The following NRG2 variants were observed in gnomAD, a reference collection of about 807,000 sequenced individuals.
NRG2 encodes neuregulin 2.
NRG2 carries 27 observed loss-of-function variants against 73.9 expected under a neutral mutation model. The observed-to-expected ratio is 0.37, with a 90% CI of 0.27 to 0.50. The LOEUF is 0.50. Ranked by LOEUF, NRG2 falls within the 20% of genes least tolerant of loss-of-function variation. NRG2 has a pLI of 0.96. For synonymous variants in NRG2, 532 were observed against 541.0 expected (o/e 0.98, Z 0.23); for missense variants, 1,126 against 1,210.1 (o/e 0.93, Z 1.03).
chr5:139,965,478 G>A (rs1416479876), intron 1 of NRG2, among the ~76,000 whole-genome samples: 2 of 152,242 alleles, frequency 1.3e-5, no homozygotes, highest in East Asian at 3.9e-4. Context: ...CCTGAACAGG[G>A]ATGGCAGCAG....
chr5:139,888,877 C>T (rs1561657820), intron 1 of NRG2, among the ~76,000 whole-genome samples: 1 of 152,142 alleles, frequency 6.6e-6, no homozygotes, highest in Non-Finnish European at 1.5e-5. Context: ...ACACCTCCCC[C>T]CATTTTTAAA....
rs965384880 is a variant in NRG2, at chr5:139,848,098, T to C, written c.2372A>G (p.Glu791Gly). The C allele has an allele frequency of 8.1e-6, 12 of 1,481,840 alleles. No homozygotes were observed. The Admixed American group carries it at 2.6e-4, about 32-fold the overall frequency. 91.8% of individuals were successfully genotyped at this position (1,481,840 alleles called of 1,614,324 possible). ...ADDADGALAA[E>G]STPFLGLRGA... is the part of the protein sequence containing the mutation. ...ACGCAGGCCCAGGAAAGGTGTGCTC[T>C]CGGCCGCCAGCGCCCCGTCCGCGTC... The change falls in exon 10 of 10, where the codon GAG becomes GGG. Residue 791 changes from glutamate to glycine, a missense_variant. Around this residue, in one of 3 missense-constraint regions of NRG2, gnomAD observed 402 missense variants for 357.8 expected, o/e 1.12. Coordinates refer to ENST00000361474, the MANE Select transcript of NRG2 (RefSeq NM_004883.3).
At chr5:139,855,870 G>T in intron 5 of NRG2, 92 bp from the exon 6 acceptor site, 1 of 911,290 alleles carries the variant, frequency 1.1e-6, no homozygotes, top group Non-Finnish European at 1.8e-6. Context: ...AAAGCCATAG[G>T]CTCTCCCCAG....
intron 1 of NRG2, among the ~76,000 whole-genome samples, chr5:140,000,855 C>G (rs577052053): frequency 1.3e-5 from 2 of 152,224 alleles, no homozygotes; most frequent in African/African-American, 4.8e-5. Flanking sequence ...TCTCTGTCAA[C>G]GTCAGATGTG....
intron 3 of NRG2, among the ~76,000 whole-genome samples, chr5:139,878,058 A>C (rs1763295294): frequency 1.3e-5 from 2 of 152,252 alleles, no homozygotes; most frequent in South Asian, 4.1e-4. Flanking sequence ...AGGGGACTGC[A>C]GCTTATCTGA....
intron 1 of NRG2, among the ~76,000 whole-genome samples, chr5:139,924,736 T>A (rs1211231508): frequency 1.3e-5 from 2 of 152,192 alleles, no homozygotes; most frequent in Non-Finnish European, 1.5e-5. Flanking sequence ...AAAGAATCTT[T>A]CTGTAAGGCT....
At chr5:139,959,107 T>C (rs1208027840) in intron 1 of NRG2, among the ~76,000 whole-genome samples, 1 of 152,244 alleles carries the variant, frequency 6.6e-6, no homozygotes, top group Non-Finnish European at 1.5e-5. Flanking sequence ...TGCTTTGATA[T>C]GGCCACCACT....
intron 1 of NRG2, among the ~76,000 whole-genome samples, chr5:140,011,712 T>C (rs142058055): frequency 7.9e-5 from 12 of 152,346 alleles, no homozygotes; most frequent in African/African-American, 2.9e-4. Flanking sequence ...ACTGCATCCC[T>C]GGCTGACACC....
rs1765117609 is a variant in NRG2 at position 139,904,665 on chromosome 5, C to G, written c.701-17154G>C. Reference sequence around the variant, plus strand: ...GGCCCACCGAGGTAGGCAAGACCGGCGCCTAAACAGGGCGCCACAGACCTC... The same window carrying G: ...GGCCCACCGAGGTAGGCAAGACCGGGGCCTAAACAGGGCGCCACAGACCTC... On this transcript the variant is annotated intron_variant, in intron 1 of 9. Transcript: ENST00000361474. This position sits in a 1 kb window ranked among gnomAD's most constrained non-coding sequence, Gnocchi z 6.0. 6.6e-6 allele frequency among the ~76,000 whole-genome samples: 1 copy of G among 152,138 alleles called. No homozygotes were observed. Among genetic ancestry groups the G allele is most frequent in the African/African-American group, 2.4e-5 (1 of 41,446 alleles).
At position 139,847,718 on chromosome 5, in the gene NRG2, T is replaced by TA. The variant is rs1431100856; in HGVS notation, c.*198dup. On this transcript the variant is annotated 3_prime_UTR_variant, in exon 10 of 10. Transcript: ENST00000361474. Reference sequence around the variant, plus strand: ...ATGTTACATATAAATAGTTTCCCTATAAAAACGCCTTTGCCGTTAGCTAGT... The same window carrying TA: ...ATGTTACATATAAATAGTTTCCCTATAAAAAACGCCTTTGCCGTTAGCTAGT... The TA allele has an allele frequency of 3.3e-5, 13 of 391,200 alleles. No homozygotes were observed. In the East Asian group the frequency reaches 4.9e-4, roughly 15 times the overall value. 24.2% of individuals were successfully genotyped at this position (391,200 alleles called of 1,614,324 possible).
chr5:140,035,513 A>T (rs1761442281), intron 1 of NRG2, among the ~76,000 whole-genome samples: 1 of 152,214 alleles, frequency 6.6e-6, no homozygotes, highest in Non-Finnish European at 1.5e-5. Context: ...TTGTTGAAGC[A>T]AACATTGAAA....
intron 1 of NRG2, among the ~76,000 whole-genome samples, chr5:139,939,619 T>A (rs1190023309): frequency 6.6e-6 from 1 of 151,982 alleles, no homozygotes; most frequent in Non-Finnish European, 1.5e-5. Flanking sequence ...AAAAGAAAAA[T>A]ATAACTAGGA....
chr5:139,848,636 C>A lies in NRG2; in HGVS notation c.1834G>T (p.Ala612Ser). ...ATCTCGAAAGTTGGCACCTGCGTGG[C>A]CAGCGAGTAGTGGAAGTCCACGGGC... ...LSPVDFHYSL[A>S]TQVPTFEITS... Residue 612 changes from alanine (A) to serine (S), a missense_variant, in exon 10 of 10, where the codon GCC (alanine) becomes TCC (serine). Transcript: ENST00000361474. The A allele has an allele frequency of 6.3e-7, 1 of 1,576,860 alleles. No homozygotes were observed. The highest frequency in any genetic ancestry group is 8.5e-7 in the Non-Finnish European group (1 of 1,170,930).
rs921808616 is a variant in NRG2 at position 139,851,070 on chromosome 5, C to T, written c.1772+534G>A. On this transcript the variant is annotated intron_variant, in intron 9 of 9. Transcript: ENST00000361474. This position sits in a 1 kb window ranked among gnomAD's most constrained non-coding sequence, Gnocchi z 4.2. ...TGGCGCCATCTCAGCTCACTGCAAC[C>T]TCCGCCTCCCAGGTGAAGGGATGCT... Among the ~76,000 whole-genome samples, 5 of 151,978 alleles carry T rather than the reference C, an allele frequency of 3.3e-5. No individual in the cohort carries two copies. The highest frequency in any genetic ancestry group is 1.2e-4 in the African/African-American group (5 of 41,348).
At chr5:139,927,001 C>T (rs1752106874) in intron 1 of NRG2, among the ~76,000 whole-genome samples, 1 of 152,222 alleles carries the variant, frequency 6.6e-6, no homozygotes, top group Non-Finnish European at 1.5e-5. Context: ...TTGAGCACAG[C>T]ACCTTCTGTG....
At chr5:139,981,124 A>G (rs993086871) in intron 1 of NRG2, among the ~76,000 whole-genome samples, 1 of 152,216 alleles carries the variant, frequency 6.6e-6, no homozygotes, top group African/African-American at 2.4e-5. Flanking sequence ...AGCAGCATCT[A>G]TGCTGGGCTT....
intron 1 of NRG2, among the ~76,000 whole-genome samples, chr5:139,982,373 T>C (rs780003199): frequency 3.9e-5 from 6 of 152,188 alleles, no homozygotes; most frequent in Non-Finnish European, 7.4e-5. Context: ...CTCTTTACGG[T>C]GGATCCAAAC....
intron 1 of NRG2, among the ~76,000 whole-genome samples, chr5:139,961,047 T>C (rs1755018648): frequency 6.6e-6 from 1 of 152,190 alleles, no homozygotes; most frequent in African/African-American, 2.4e-5. Flanking sequence ...TTGAGAGGCT[T>C]GGATGAAAGG....
Position 140,043,178 on chromosome 5 carries a change from C to T in NRG2, c.-109G>A. 1 of 1,305,042 alleles carries T rather than the reference C, an allele frequency of 7.7e-7. No homozygotes were observed. The highest frequency in any genetic ancestry group is 1.0e-6 in the Non-Finnish European group (1 of 980,554). 80.8% of individuals were successfully genotyped at this position (1,305,042 alleles called of 1,614,324 possible). A position where few individuals can be genotyped will look rare whatever the true frequency, so the allele number is the denominator to read the frequency against. The stretch of plus-strand genomic sequence containing the variant: ...AGCGTAACGTTAGCGCCTCTTAGCC[C>T]TCCACCGGCAGCCCGGGGAGGTGGC... On this transcript the variant is annotated 5_prime_UTR_variant, in exon 1 of 10. Coordinates refer to ENST00000361474, the MANE Select transcript of NRG2 (RefSeq NM_004883.3). This position sits in a 1 kb window ranked among gnomAD's most constrained non-coding sequence, Gnocchi z 6.7.
Sources: gnomAD v4.1 joint callset for allele counts (sites outside exome capture counted in the v4.1 genomes callset) on GRCh38, gnomAD v4.1.1 for gene constraint, gnomAD v4.1.1 regional missense constraint, Gnocchi (gnomAD v3.1) non-coding constraint, MANE v1.5 for transcripts, NCBI Gene and HGNC (gene_info 2026-07-23, HGNC 2026-07-21) for gene names.